The following PC variants were observed in gnomAD, a reference collection of about 807,000 sequenced individuals.
PC encodes pyruvate carboxylase.
In PC, 46 loss-of-function variants were observed where a neutral mutation model predicts 107.8. The ratio of observed to expected loss-of-function variants is 0.43; its 90% CI spans 0.34 to 0.55. The LOEUF (loss-of-function observed/expected upper bound fraction) is 0.55. Among genes scored for constraint, PC ranks in the 20% least tolerant of loss-of-function variants. PC has a pLI of 0.04. For synonymous variants in PC, 662 were observed against 684.7 expected (o/e 0.97, Z 0.52); for missense variants, 1,241 against 1,643.1 (o/e 0.76, Z 4.23).
intron 12 of PC, among the ~76,000 whole-genome samples, chr11:66,853,858 T>C (rs1158371241): frequency 6.6e-6 from 1 of 152,212 alleles, no homozygotes; most frequent in Non-Finnish European, 1.5e-5. Flanking sequence ...TCCTGTCCTC[T>C]TCCTCCCCAG....
Position 66,877,285 on chromosome 11 carries a change from C to T in PC, c.1-5126G>A, listed in dbSNP as rs1947016371. ...CCTATAGTCCCAGCTACTCGGGAGG[C>T]TGAGGCAGGAGAGTTGCTTGAGCCT... On this transcript the variant is annotated intron_variant, in intron 3 of 22. Coordinates refer to ENST00000393960, the MANE Select transcript of PC (RefSeq NM_001040716.2). 2.6e-5 allele frequency among the ~76,000 whole-genome samples: 4 copies of T among 152,328 alleles called. No individual in the cohort carries two copies. The South Asian group carries it at 8.3e-4, about 32-fold the overall frequency.
At chr11:66,944,907 A>G (rs1471935072) in intron 3 of PC, among the ~76,000 whole-genome samples, 2 of 117,644 alleles carry the variant, frequency 1.7e-5, no homozygotes, top group African/African-American at 6.1e-5. Context: ...TCCTGGGGCC[A>G]TACCCAGTGA....
chr11:66,848,445 C>T lies in PC; in HGVS notation c.*454G>A. Reference sequence around the variant, plus strand: ...TGAGGAGAACGACACAACTGACCTGCCCACCCATGGGGAGCTTGAAAGGCA... The same window carrying T: ...TGAGGAGAACGACACAACTGACCTGTCCACCCATGGGGAGCTTGAAAGGCA... On this transcript the variant is annotated 3_prime_UTR_variant, in exon 23 of 23. Transcript: ENST00000393960. 1 of 527,230 alleles carries T rather than the reference C, an allele frequency of 1.9e-6. No homozygotes were observed. The highest frequency in any genetic ancestry group is 3.6e-5 in the Admixed American group (1 of 27,682). The allele number at this position is 527,230 out of a possible 1,614,324, so 32.7% of individuals were successfully genotyped here. A position where few individuals can be genotyped will look rare whatever the true frequency, so the allele number is the denominator to read the frequency against.
At chr11:66,861,696 TG>T (rs1203376676) in intron 12 of PC, among the ~76,000 whole-genome samples, 3 of 152,090 alleles carry the variant, frequency 2.0e-5, no homozygotes, top group Non-Finnish European at 4.4e-5. Flanking sequence ...GCTGCCACGC[TG>T]GGCGCTAGCA....
chr11:66,948,018 GA>G (rs2136147924), intron 3 of PC, among the ~76,000 whole-genome samples: 1 of 116,892 alleles, frequency 8.6e-6, no homozygotes, highest in South Asian at 2.6e-4. Context: ...ACTAAAGATA[GA>G]TAGATAGATA....
At position 66,871,578 on chromosome 11, in the gene PC, T is replaced by C; in HGVS notation, c.322-98A>G. 6.3e-7 allele frequency: 1 copy of C among 1,588,410 alleles called. No homozygotes were observed. The highest frequency in any genetic ancestry group is 1.7e-5 in the Admixed American group (1 of 59,562). On this transcript the variant is annotated intron_variant, in intron 5 of 22. Coordinates refer to ENST00000393960, the MANE Select transcript of PC (RefSeq NM_001040716.2). The surrounding 1 kb of genome is among the most constrained non-coding windows in gnomAD (Gnocchi z 7.4). ...CCTAACCTGCTGAGCTGCATCCGTT[T>C]ACCCACCCACGCACAGAGGCGCTGA...
intron 3 of PC, among the ~76,000 whole-genome samples, chr11:66,935,900 G>A (rs1322277353): frequency 6.6e-6 from 1 of 152,032 alleles, no homozygotes; most frequent in Non-Finnish European, 1.5e-5. Context: ...ACCAGCCTGG[G>A]CAACACAGTC....
chr11:66,873,502 A>ATT lies in PC; in HGVS notation c.1-1344_1-1343insAA, dbSNP rs1266862621. 5.4e-4 allele frequency among the ~76,000 whole-genome samples: 8 copies of ATT among 14,766 alleles called. No individual in the cohort carries two copies. In the Admixed American group the frequency reaches 0.012, roughly 22 times the overall value. The allele number at this position is 14,766 out of a possible 152,430, so 9.7% of individuals were successfully genotyped here. On this transcript the variant is annotated intron_variant, in intron 3 of 22. Coordinates refer to ENST00000393960, the MANE Select transcript of PC (RefSeq NM_001040716.2). ...ATATATAATATTATATATATTATAT[A>ATT]ATATTATATATTATATTATATATTA...
chr11:66,956,845 A>G (rs528008721), intron 1 of PC, among the ~76,000 whole-genome samples: 1 of 152,076 alleles, frequency 6.6e-6, no homozygotes, highest in African/African-American at 2.4e-5. Context: ...TACCTCACCC[A>G]CTAGGCTCTC....
At chr11:66,883,482 C>T (rs375368525) in intron 3 of PC, among the ~76,000 whole-genome samples, 1 of 152,136 alleles carries the variant, frequency 6.6e-6, no homozygotes, top group African/African-American at 2.4e-5. Flanking sequence ...CCCCGGGCAG[C>T]CACCTCCCTC....
intron 3 of PC, among the ~76,000 whole-genome samples, chr11:66,950,845 C>T (rs1041948894): frequency 6.6e-6 from 1 of 152,050 alleles, no homozygotes; most frequent in African/African-American, 2.4e-5. Context: ...TGGGGGGAAC[C>T]TTCCCCAACA....
intron 3 of PC, among the ~76,000 whole-genome samples, chr11:66,921,645 C>T (rs61890459): frequency 1.3e-5 from 2 of 152,220 alleles, no homozygotes; most frequent in African/African-American, 4.8e-5. Flanking sequence ...TGAGCTCTGC[C>T]ACTCCCGAGC....
At chr11:66,939,388 G>A (rs2136127916) in intron 3 of PC, among the ~76,000 whole-genome samples, 1 of 151,944 alleles carries the variant, frequency 6.6e-6, no homozygotes, top group South Asian at 2.1e-4. Context: ...CCATAGGGGG[G>A]TCTTGGAACC....
chr11:66,870,556 G>T lies in PC; in HGVS notation c.752-103C>A. The T allele has an allele frequency of 7.2e-7, 1 of 1,383,222 alleles. No individual in the cohort carries two copies. The highest frequency in any genetic ancestry group is 1.0e-6 in the Non-Finnish European group (1 of 991,778). The allele number at this position is 1,383,222 out of a possible 1,614,324, so 85.7% of individuals were successfully genotyped here. On this transcript the variant is annotated intron_variant, in intron 8 of 22. Transcript: ENST00000393960. This position sits in a 1 kb window ranked among gnomAD's most constrained non-coding sequence, Gnocchi z 6.1. ...CCACTGTCGCCAGTCAGTGCCGGCTGCCAGCGGTACAGAGGCTGCCAGGAG... is the reference window on the plus strand; with the variant it reads ...CCACTGTCGCCAGTCAGTGCCGGCTTCCAGCGGTACAGAGGCTGCCAGGAG...
chr11:66,895,044 T>C (rs1056986116), intron 3 of PC, among the ~76,000 whole-genome samples: 2 of 125,272 alleles, frequency 1.6e-5, no homozygotes, highest in Non-Finnish European at 3.4e-5. Context: ...AAAAAAAAAA[T>C]AGCAGTTAGA....
At chr11:66,884,664 T>C (rs1410516057) in intron 3 of PC, among the ~76,000 whole-genome samples, 2 of 152,084 alleles carry the variant, frequency 1.3e-5, no homozygotes, top group African/African-American at 4.8e-5. Flanking sequence ...CCCACACCCA[T>C]ATGTTGAAAC....
chr11:66,936,746 C>T (rs149367710), intron 3 of PC, among the ~76,000 whole-genome samples: 12 of 152,236 alleles, frequency 7.9e-5, no homozygotes, highest in African/African-American at 2.2e-4. Context: ...TTTTTCACTC[C>T]CTAACTATGT....
In PC at chr11:66,957,060, G is replaced by A. The variant is rs370491671; in HGVS notation, c.-228+1262C>T. 1.4e-4 allele frequency among the ~76,000 whole-genome samples: 21 copies of A among 152,240 alleles called. No individual in the cohort carries two copies. In the East Asian group the frequency reaches 2.5e-3, roughly 18 times the overall value. On this transcript the variant is annotated intron_variant, in intron 1 of 22. Coordinates refer to ENST00000393960, the MANE Select transcript of PC (RefSeq NM_001040716.2). ...GTTAAGGAGAGCCTGCAGGCAGGAA[G>A]CTGTAGCTGCAAGTGAGAGAAATGC...
chr11:66,864,897 G>A (rs1453463471), intron 11 of PC, among the ~76,000 whole-genome samples: 2 of 152,184 alleles, frequency 1.3e-5, no homozygotes, highest in African/African-American at 4.8e-5. Flanking sequence ...AGAGGGGCTC[G>A]GGACACCCAC....
Sources: allele counts gnomAD v4.1 joint callset (sites outside exome capture counted in the v4.1 genomes callset), GRCh38; gene constraint gnomAD v4.1.1; non-coding constraint Gnocchi (gnomAD v3.1); transcripts MANE v1.5; gene names NCBI Gene and HGNC (gene_info 2026-07-23, HGNC 2026-07-21).